RAPGEF1: variants seen among roughly 807,000 people sequenced by gnomAD.
The protein encoded by RAPGEF1 is CRK SH3-binding GNRP.
In RAPGEF1, 33 loss-of-function variants were observed where a neutral mutation model predicts 143.3. That is an observed-to-expected ratio of 0.23 (90% CI 0.17 to 0.31). The LOEUF (loss-of-function observed/expected upper bound fraction) is 0.31. RAPGEF1 is among the 10% of genes least tolerant of loss of function. RAPGEF1 has a pLI of 1.00. For missense variants in RAPGEF1, 1,199 were observed against 1,645.4 expected, an observed-to-expected ratio of 0.73 and a Z score of 4.69; for synonymous variants, 629 against 676.5, an observed-to-expected ratio of 0.93 and a Z score of 1.09.
chr9:131,714,551 G>A (rs370936522), intron 1 of RAPGEF1, among the ~76,000 whole-genome samples: 1 of 152,084 alleles, frequency 6.6e-6, no homozygotes, highest in Non-Finnish European at 1.5e-5. Flanking sequence ...ACGAGGAAGC[G>A]CCAAGCACTG....
chr9:131,697,683 T>C (rs1051291517), intron 1 of RAPGEF1, among the ~76,000 whole-genome samples: 23 of 152,322 alleles, frequency 1.5e-4, no homozygotes, highest in Non-Finnish European at 3.4e-4. Flanking sequence ...TCTTCCCAGA[T>C]TCTTGCACCT....
At chr9:131,612,223 T>C (rs1462465157) in intron 12 of RAPGEF1, among the ~76,000 whole-genome samples, 1 of 152,172 alleles carries the variant, frequency 6.6e-6, no homozygotes, top group Non-Finnish European at 1.5e-5. Flanking sequence ...TTAAAACTTC[T>C]CCTCTGTAAT....
At chr9:131,658,178 A>G (rs1051986971) in intron 1 of RAPGEF1, among the ~76,000 whole-genome samples, 1 of 152,226 alleles carries the variant, frequency 6.6e-6, no homozygotes, top group African/African-American at 2.4e-5. Context: ...TGCCACATTG[A>G]TTCTTACAGA....
chr9:131,645,918 G>A (rs1035386991), intron 3 of RAPGEF1, among the ~76,000 whole-genome samples: 2 of 152,202 alleles, frequency 1.3e-5, no homozygotes, highest in Admixed American at 6.5e-5. Flanking sequence ...CATCTGCCCC[G>A]TGTAACTAAA....
intron 1 of RAPGEF1, among the ~76,000 whole-genome samples, chr9:131,697,931 C>A (rs1834315437): frequency 6.6e-6 from 1 of 152,094 alleles, no homozygotes; most frequent in South Asian, 2.1e-4. Flanking sequence ...AGGATAAAGG[C>A]AGACAGAGGA....
At chr9:131,636,573 C>A (rs997903799) in intron 5 of RAPGEF1, among the ~76,000 whole-genome samples, 1 of 152,244 alleles carries the variant, frequency 6.6e-6, no homozygotes, top group African/African-American at 2.4e-5. Context: ...AACTCATTCT[C>A]CTCTGTTTTG....
intron 1 of RAPGEF1, among the ~76,000 whole-genome samples, chr9:131,733,147 G>A (rs1358621942): frequency 6.6e-6 from 1 of 151,992 alleles, no homozygotes; most frequent in Non-Finnish European, 1.5e-5. Flanking sequence ...CAGCTAAGCA[G>A]GAAGGACTGC....
chr9:131,684,179 A>G (rs1321539461), intron 1 of RAPGEF1, among the ~76,000 whole-genome samples: 1 of 152,232 alleles, frequency 6.6e-6, no homozygotes, highest in Non-Finnish European at 1.5e-5. Context: ...ACCCTCGAGG[A>G]CTGGAACCTA....
At chr9:131,587,633 G>A (rs1953384398) in intron 22 of RAPGEF1, 103 bp downstream of exon 22, 2 of 1,060,676 alleles carry the variant, frequency 1.9e-6, no homozygotes. Flanking sequence ...GAAAGAGGCA[G>A]CTCCTTCTCC....
Position 131,580,245 on chromosome 9 carries a change from C to G in RAPGEF1, c.3641+18G>C. The G allele has an allele frequency of 6.2e-7, 1 of 1,613,240 alleles. No homozygotes were observed. The highest frequency in any genetic ancestry group is 8.5e-7 in the Non-Finnish European group (1 of 1,179,422). Reference sequence around the variant, plus strand: ...GGGGCTCAGCTCTGCCTGGTCCCCCCGGGGCAGTGGCACTCACGCCTGCTG... The same window carrying G: ...GGGGCTCAGCTCTGCCTGGTCCCCCGGGGGCAGTGGCACTCACGCCTGCTG... On this transcript the variant is annotated intron_variant, in intron 26 of 26. Coordinates refer to ENST00000683357, the MANE Select transcript of RAPGEF1 (RefSeq NM_001377935.1).
intron 1 of RAPGEF1, among the ~76,000 whole-genome samples, chr9:131,731,321 G>A (rs1837059318): frequency 6.6e-6 from 1 of 152,236 alleles, no homozygotes; most frequent in Non-Finnish European, 1.5e-5. Flanking sequence ...AGGAGGGGTT[G>A]AGAGTAGCCA....
At position 131,693,429 on chromosome 9, in the gene RAPGEF1, T is replaced by A. The variant is rs181266643; in HGVS notation, c.62-42480A>T. On this transcript the variant is annotated intron_variant, in intron 1 of 26. Coordinates refer to ENST00000683357, the MANE Select transcript of RAPGEF1 (RefSeq NM_001377935.1). ...CCACTAAGCCAAAATAAGATTTTTA[T>A]CTGACCTTCAGAGAAATCAGGAGAG... Among the ~76,000 whole-genome samples the A allele has an allele frequency of 1.9e-3, 288 of 152,332 alleles. 2 individuals carry two copies. Among genetic ancestry groups the A allele is most frequent in the Non-Finnish European group, 3.8e-3 (259 of 68,028 alleles).
intron 15 of RAPGEF1, 110 bp from the exon 16 acceptor site, chr9:131,598,420 C>G: frequency 1.2e-6 from 1 of 850,176 alleles, no homozygotes; most frequent in Non-Finnish European, 2.0e-6. Flanking sequence ...CCGGAACATG[C>G]CTGCCCCGAT....
chr9:131,619,270 G>T, intron 11 of RAPGEF1, 64 bp from the exon 12 acceptor site: 2 of 1,249,756 alleles, frequency 1.6e-6, no homozygotes, highest in South Asian at 1.3e-5. Flanking sequence ...GAACAGTCAG[G>T]TCCGTGCAGG....
intron 1 of RAPGEF1, among the ~76,000 whole-genome samples, chr9:131,731,323 G>C (rs1837059510): frequency 2.0e-5 from 3 of 152,224 alleles, no homozygotes; most frequent in Admixed American, 1.3e-4. Context: ...GAGGGGTTGA[G>C]AGTAGCCAAT....
intron 12 of RAPGEF1, among the ~76,000 whole-genome samples, chr9:131,617,788 T>C (rs1959223143): frequency 1.3e-5 from 2 of 152,188 alleles, no homozygotes; most frequent in African/African-American, 4.8e-5. Context: ...TGAAGCATCT[T>C]TGGCGGGGGG....
intron 13 of RAPGEF1, among the ~76,000 whole-genome samples, chr9:131,604,297 C>T (rs1396666436): frequency 6.6e-6 from 1 of 152,220 alleles, no homozygotes; most frequent in Non-Finnish European, 1.5e-5. Flanking sequence ...CAGCAGGGGT[C>T]CCCAGTGTGG....
rs1412772477 is a variant in RAPGEF1 at position 131,628,143 on chromosome 9, G to A, written c.1018-47C>T. The stretch of plus-strand genomic sequence containing the variant: ...AAAGCCAAATCACTTCTGAGAAACG[G>A]TGGCACAGACCAGGGGTGAGGCAAC... On this transcript the variant is annotated intron_variant, in intron 8 of 26. Coordinates refer to ENST00000683357, the MANE Select transcript of RAPGEF1 (RefSeq NM_001377935.1). This position sits in a 1 kb window ranked among gnomAD's most constrained non-coding sequence, Gnocchi z 5.7. 1 of 1,468,098 alleles carries A rather than the reference G, an allele frequency of 6.8e-7. No individual in the cohort carries two copies. The allele number at this position is 1,468,098 out of a possible 1,614,324, so 90.9% of individuals were successfully genotyped here.
intron 15 of RAPGEF1, among the ~76,000 whole-genome samples, chr9:131,600,444 A>G (rs1314780808): frequency 6.6e-6 from 1 of 152,210 alleles, no homozygotes; most frequent in East Asian, 1.9e-4. Flanking sequence ...CACCTGGGGA[A>G]AGCTCAGTCT....
Sources: gnomAD v4.1 joint callset for allele counts (sites outside exome capture counted in the v4.1 genomes callset) on GRCh38, gnomAD v4.1.1 for gene constraint, Gnocchi (gnomAD v3.1) non-coding constraint, MANE v1.5 for transcripts, NCBI Gene and HGNC (gene_info 2026-07-23, HGNC 2026-07-21) for gene names.